CACNA2D4: variants seen among roughly 807,000 people sequenced by gnomAD.
CACNA2D4 encodes the protein calcium voltage-gated channel auxiliary subunit alpha2delta 4, also known as voltage-dependent calcium channel subunit alpha-2/delta-4.
In CACNA2D4, 157 loss-of-function variants were observed where a neutral mutation model predicts 163.8. The ratio of observed to expected loss-of-function variants is 0.96; its 90% CI spans 0.84 to 1.09. The LOEUF is 1.09. CACNA2D4 is among the 50% of genes least tolerant of loss of function. The pLI is 0.00. For missense variants in CACNA2D4, 1,410 were observed against 1,479.9 expected (o/e 0.95, Z 0.78); for synonymous variants, 598 against 586.9 (o/e 1.02, Z -0.27).
intron 26 of CACNA2D4, among the ~76,000 whole-genome samples, chr12:1,821,885 G>A (rs1391708877): frequency 6.6e-6 from 1 of 152,126 alleles, no homozygotes; most frequent in Non-Finnish European, 1.5e-5. Flanking sequence ...CCGGCTGTCA[G>A]GGCTACTTGG....
intron 26 of CACNA2D4, among the ~76,000 whole-genome samples, chr12:1,814,967 G>A (rs926887175): frequency 9.9e-5 from 15 of 152,190 alleles, no homozygotes. Flanking sequence ...TCAGCTCATT[G>A]CAACCTCCAC....
At chr12:1,847,456 G>C (rs1865171778) in intron 23 of CACNA2D4, among the ~76,000 whole-genome samples, 1 of 152,200 alleles carries the variant, frequency 6.6e-6, no homozygotes, top group South Asian at 2.1e-4. Context: ...CTCATGGATA[G>C]ACCTGTGTCT....
At chr12:1,877,421 T>A (rs1006125083) in intron 16 of CACNA2D4, among the ~76,000 whole-genome samples, 3 of 152,234 alleles carry the variant, frequency 2.0e-5, no homozygotes, top group Non-Finnish European at 4.4e-5. Context: ...AGAGCCTGAT[T>A]TGGAAGACAG....
At position 1,875,462 on chromosome 12, in the gene CACNA2D4, C is replaced by T. The variant is rs1039622629; in HGVS notation, c.1720-125G>A. 1.2e-5 allele frequency: 8 copies of T among 678,432 alleles called. No individual in the cohort carries two copies. In the South Asian group the frequency reaches 1.3e-4, roughly 11 times the overall value. 42.0% of individuals were successfully genotyped at this position (678,432 alleles called of 1,614,324 possible). A position where few individuals can be genotyped will look rare whatever the true frequency, so the allele number is the denominator to read the frequency against. On this transcript the variant is annotated intron_variant, in intron 16 of 37. Coordinates refer to ENST00000382722, the MANE Select transcript of CACNA2D4 (RefSeq NM_172364.5). This position sits in a 1 kb window ranked among gnomAD's most constrained non-coding sequence, Gnocchi z 4.0. ...AGGATTCCTTAGAAATCAATCAATC[C>T]AGTAATTACTTAAGGTTATCTGGGC...
In CACNA2D4 at chr12:1,793,376, C is replaced by T. The variant is rs1047080372; in HGVS notation, c.*279G>A. ...CCAAGCTGAGCTCACGCTGGCTTCC[C>T]GAAGAGGAGACAGGAAGGTTAGGTC... On this transcript the variant is annotated 3_prime_UTR_variant, in exon 38 of 38. Coordinates refer to ENST00000382722, the MANE Select transcript of CACNA2D4 (RefSeq NM_172364.5). The T allele has an allele frequency of 1.4e-5, 7 of 517,162 alleles. No individual in the cohort carries two copies. Among genetic ancestry groups the T allele is most frequent in the African/African-American group, 3.8e-5 (2 of 52,320 alleles). 32.0% of individuals were successfully genotyped at this position (517,162 alleles called of 1,614,324 possible).
chr12:1,843,249 G>C lies in CACNA2D4; in HGVS notation c.2470+1153C>G, dbSNP rs773662848. On this transcript the variant is annotated intron_variant, in intron 25 of 37. Coordinates refer to ENST00000382722, the MANE Select transcript of CACNA2D4 (RefSeq NM_172364.5). The surrounding 1 kb of genome is among the most constrained non-coding windows in gnomAD (Gnocchi z 4.6). The stretch of plus-strand genomic sequence containing the variant: ...GGGGTGGAGCTCCTCCCTGCTGTTT[G>C]CCTTCCCTGTCCTGGTCCCAGGAGG... Among the ~76,000 whole-genome samples, 2 of 152,190 alleles carry C rather than the reference G, an allele frequency of 1.3e-5. No homozygotes were observed. The highest frequency in any genetic ancestry group is 2.9e-5 in the Non-Finnish European group (2 of 68,020).
chr12:1,887,071 T>C lies in CACNA2D4; in HGVS notation c.782-2A>G. The C allele has an allele frequency of 6.3e-7, 1 of 1,579,758 alleles. No homozygotes were observed. Among genetic ancestry groups the C allele is most frequent in the African/African-American group, 1.3e-5 (1 of 74,444 alleles). ...TCTCATCAGGTGTCCATTTTATACC[T>C]GGGAGAATAAAGACTCGTTCTTTTA... On this transcript the variant is annotated splice_acceptor_variant, in intron 6 of 37. Transcript: ENST00000382722. LOFTEE classifies it high-confidence loss of function.
chr12:1,884,951 C>A lies in CACNA2D4; in HGVS notation c.1158+36G>T, dbSNP rs536479034. On this transcript the variant is annotated intron_variant, in intron 10 of 37. Coordinates refer to ENST00000382722, the MANE Select transcript of CACNA2D4 (RefSeq NM_172364.5). ...CCCCCTCCACCTGCCGCCTTCCTCC[C>A]AGTCCTCCCCTCCCAGGCCTCATTA... The A allele has an allele frequency of 9.3e-6, 15 of 1,605,242 alleles. No individual in the cohort carries two copies. The South Asian group carries it at 1.7e-4, about 18-fold the overall frequency.
At chr12:1,801,006 G>T in intron 31 of CACNA2D4, 37 bp downstream of exon 31, 2 of 1,592,696 alleles carry the variant, frequency 1.3e-6, no homozygotes, top group Non-Finnish European at 8.6e-7. Flanking sequence ...AGGACTGGCT[G>T]GCTGGCTGGC....
chr12:1,897,122 G>A (rs1023088120), intron 6 of CACNA2D4, among the ~76,000 whole-genome samples: 3 of 152,156 alleles, frequency 2.0e-5, no homozygotes, highest in African/African-American at 7.2e-5. Context: ...TTGAGGCCAC[G>A]AGTTCAAGAC....
At chr12:1,804,121 C>CTGTGTG (rs57706301) in intron 29 of CACNA2D4, among the ~76,000 whole-genome samples, 3,192 of 139,124 alleles carry the variant, frequency 0.023, 45 homozygotes, top group Middle Eastern at 0.063. Flanking sequence ...ATTCTAGTTA[C>CTGTGTG]TGTGTGTGTG....
rs1169447953 is a variant in CACNA2D4 at position 1,802,529 on chromosome 12, G to C, written c.2722-885C>G. ...CACTCTGCCACCTCTCATGGCCTCT[G>C]TACCTGCCTTGGCCTCTTGAGTCTG... On this transcript the variant is annotated intron_variant, in intron 29 of 37. Coordinates refer to ENST00000382722, the MANE Select transcript of CACNA2D4 (RefSeq NM_172364.5). The surrounding 1 kb of genome is among the most constrained non-coding windows in gnomAD (Gnocchi z 4.7). Among the ~76,000 whole-genome samples, 3 of 152,224 alleles carry C rather than the reference G, an allele frequency of 2.0e-5. No homozygotes were observed. The highest frequency in any genetic ancestry group is 7.2e-5 in the African/African-American group (3 of 41,464).
In CACNA2D4 at chr12:1,799,592, G is replaced by T; in HGVS notation, c.2995+83C>A. The T allele has an allele frequency of 7.1e-7, 1 of 1,417,550 alleles. No individual in the cohort carries two copies. Among genetic ancestry groups the T allele is most frequent in the Non-Finnish European group, 9.7e-7 (1 of 1,026,384 alleles). 87.8% of individuals were successfully genotyped at this position (1,417,550 alleles called of 1,614,324 possible). A position where few individuals can be genotyped will look rare whatever the true frequency, so the allele number is the denominator to read the frequency against. On this transcript the variant is annotated intron_variant, in intron 34 of 37. Coordinates refer to ENST00000382722, the MANE Select transcript of CACNA2D4 (RefSeq NM_172364.5). The surrounding 1 kb of genome is among the most constrained non-coding windows in gnomAD (Gnocchi z 4.7). The stretch of plus-strand genomic sequence containing the variant: ...CCTGCTTGGGGTCATTCCTGGGACA[G>T]GTCATGGAGGGTGGGTTCTTTGTAG...
At chr12:1,910,084 G>T in intron 3 of CACNA2D4, 119 bp from the exon 4 acceptor site, 1 of 796,854 alleles carries the variant, frequency 1.3e-6, no homozygotes. Flanking sequence ...TGCCCAGAAG[G>T]ATTGAAAACA....
At chr12:1,860,376 G>C (rs1865497993) in intron 18 of CACNA2D4, among the ~76,000 whole-genome samples, 170 bp from the exon 19 acceptor site, 1 of 152,230 alleles carries the variant, frequency 6.6e-6, no homozygotes, top group South Asian at 2.1e-4. Context: ...CCCATAGGCA[G>C]ATCCTCTCTA....
intron 18 of CACNA2D4, among the ~76,000 whole-genome samples, chr12:1,873,163 T>G (rs1470115466): frequency 6.6e-6 from 1 of 152,190 alleles, no homozygotes; most frequent in African/African-American, 2.4e-5. Flanking sequence ...AATGTTAGTT[T>G]CCATCATTAT....
rs371539427 is a variant in CACNA2D4 at position 1,795,420 on chromosome 12, G to C, written c.3227-39C>G. On this transcript the variant is annotated intron_variant, in intron 36 of 37. Coordinates refer to ENST00000382722, the MANE Select transcript of CACNA2D4 (RefSeq NM_172364.5). ...TGTTAAGGTCAATATCTCAGGACCG[G>C]AGCCCATTCTGCAGACTGGAAAAAG... 1,640 of 1,573,156 alleles carry C rather than the reference G, an allele frequency of 1.0e-3. 3 individuals carry two copies. Among genetic ancestry groups the C allele is most frequent in the Non-Finnish European group, 1.3e-3 (1,469 of 1,155,568 alleles).
chr12:1,891,154 T>A (rs7300196), intron 6 of CACNA2D4, among the ~76,000 whole-genome samples: 1,985 of 152,222 alleles, frequency 0.013, 39 homozygotes, highest in African/African-American at 0.046. Context: ...CTAACACCAG[T>A]GCCAGTGTAC....
At position 1,828,242 on chromosome 12, in the gene CACNA2D4, G is replaced by A. The variant is rs767023139; in HGVS notation, c.2551+12497C>T. 1.8e-5 allele frequency: 27 copies of A among 1,530,870 alleles called. No individual in the cohort carries two copies. Among genetic ancestry groups the A allele is most frequent in the South Asian group, 8.6e-5 (7 of 81,614 alleles). 94.8% of individuals were successfully genotyped at this position (1,530,870 alleles called of 1,614,324 possible). A position where few individuals can be genotyped will look rare whatever the true frequency, so the allele number is the denominator to read the frequency against. Reference sequence around the variant, plus strand: ...TGAGTACACCCCTGGCCTCGGAGGGGGGTGCGGGTTGGGTGGGGGTGCCGA... The same window carrying A: ...TGAGTACACCCCTGGCCTCGGAGGGAGGTGCGGGTTGGGTGGGGGTGCCGA... On this transcript the variant is annotated intron_variant, in intron 26 of 37. Transcript: ENST00000382722. The surrounding 1 kb of genome is among the most constrained non-coding windows in gnomAD (Gnocchi z 4.2).
Sources: allele counts gnomAD v4.1 joint callset (sites outside exome capture counted in the v4.1 genomes callset), GRCh38; gene constraint gnomAD v4.1.1; non-coding constraint Gnocchi (gnomAD v3.1); transcripts MANE v1.5; gene names NCBI Gene and HGNC (gene_info 2026-07-23, HGNC 2026-07-21).